TICAM2: variants seen among roughly 807,000 people sequenced by gnomAD.
TICAM2 encodes the protein TIR domain-containing adapter molecule 2.
A neutral mutation model predicts 7.3 loss-of-function variants in TICAM2; 8 were observed. The ratio of observed to expected loss-of-function variants is 1.10; its 90% confidence interval spans 0.65 to 1.99. TICAM2 has a LOEUF of 1.99. TICAM2 is among the 30% of genes most tolerant of loss of function. The probability of loss-of-function intolerance (pLI) is 0.00; values close to 1 mark genes in which losing one functional copy is unlikely to be tolerated. For missense variants in TICAM2, 304 were observed against 278.8 expected, an observed-to-expected ratio of 1.09 and a Z score of -0.65; for synonymous variants, 113 against 99.6, an observed-to-expected ratio of 1.13 and a Z score of -0.80.
intron 1 of TICAM2, among the ~76,000 whole-genome samples, chr5:115,595,237 T>C (rs565839420): frequency 6.6e-6 from 1 of 152,238 alleles, no homozygotes; most frequent in South Asian, 2.1e-4. Flanking sequence ...AATCAATCTT[T>C]CCTCCTCAAT....
chr5:115,586,418 GAAAAAAA>G (rs3072127), intron 1 of TICAM2, among the ~76,000 whole-genome samples: 1 of 133,394 alleles, frequency 7.5e-6, no homozygotes, highest in Non-Finnish European at 1.6e-5. Context: ...TAGAGTGTTG[GAAAAAAA>G]AAAAAAAAAA....
chr5:115,586,565 C>A (rs1446244738), intron 1 of TICAM2, among the ~76,000 whole-genome samples: 1 of 152,136 alleles, frequency 6.6e-6, no homozygotes, highest in Non-Finnish European at 1.5e-5. Flanking sequence ...AAAGACAGTG[C>A]TTAACCGACT....
intron 1 of TICAM2, 60 bp from the exon 2 acceptor site, chr5:115,581,375 A>G: frequency 6.7e-7 from 1 of 1,497,070 alleles, no homozygotes; most frequent in South Asian, 1.3e-5. Context: ...TAAAAATGGA[A>G]ACTTTCATTC....
rs1265868948 is a variant in TICAM2, at chr5:115,579,730, A to C, written c.*819T>G. The C allele has an allele frequency of 6.6e-6, 1 of 152,230 alleles. No homozygotes were observed. The highest frequency in any genetic ancestry group is 1.5e-5 in the Non-Finnish European group (1 of 68,030). The allele number at this position is 152,230 out of a possible 1,614,324, so 9.4% of individuals were successfully genotyped here. A position where few individuals can be genotyped will look rare whatever the true frequency, so the allele number is the denominator to read the frequency against. ...GAGAAGAGAATTGTGTGTGACGGAA[A>C]CTTTTAAAGCTTCCATAAGAGAGGT... is the stretch of plus-strand genomic sequence containing the variant. On this transcript the variant is annotated 3_prime_UTR_variant, in exon 2 of 2. Transcript: ENST00000427199.
Position 115,588,187 on chromosome 5 carries a change from G to A in TICAM2, c.-59-6872C>T, listed in dbSNP as rs76671193. Among the ~76,000 whole-genome samples the A allele has an allele frequency of 4.0e-3, 603 of 152,336 alleles. 7 individuals are homozygous for A. The highest frequency in any genetic ancestry group is 0.014 in the African/African-American group (570 of 41,566). ...AAGAGAAGATACTTGGAATGCTTAC[G>A]AACTGAAGGGAATTTGCTAGTAAAG... On this transcript the variant is annotated intron_variant, in intron 1 of 1. Coordinates refer to ENST00000427199, the MANE Select transcript of TICAM2 (RefSeq NM_021649.7).
At chr5:115,583,353 A>C (rs943169948) in intron 1 of TICAM2, among the ~76,000 whole-genome samples, 3 of 152,228 alleles carry the variant, frequency 2.0e-5, no homozygotes, top group Non-Finnish European at 4.4e-5. Context: ...AGAATATGAA[A>C]AACTTCTAGG....
chr5:115,599,642 T>G (rs75861474), intron 1 of TICAM2, among the ~76,000 whole-genome samples: 1 of 152,108 alleles, frequency 6.6e-6, no homozygotes, highest in Non-Finnish European at 1.5e-5. Flanking sequence ...AATAGCACAG[T>G]AACCCCTGAG....
At chr5:115,586,061 C>A (rs956631730) in intron 1 of TICAM2, among the ~76,000 whole-genome samples, 1 of 152,072 alleles carries the variant, frequency 6.6e-6, no homozygotes, top group African/African-American at 2.4e-5. Context: ...AAGGTTCCAG[C>A]AGGGAGATGC....
At chr5:115,590,921 C>T (rs959638118) in intron 1 of TICAM2, among the ~76,000 whole-genome samples, 3 of 152,200 alleles carry the variant, frequency 2.0e-5, no homozygotes, top group Non-Finnish European at 2.9e-5. Context: ...TCTCCTCCTT[C>T]TCAGTCTCCT....
At chr5:115,597,165 C>T (rs1755541521) in intron 1 of TICAM2, among the ~76,000 whole-genome samples, 1 of 152,174 alleles carries the variant, frequency 6.6e-6, no homozygotes. Flanking sequence ...TTTACTATGG[C>T]ACACATATTC....
At chr5:115,599,542 T>G (rs171774) in intron 1 of TICAM2, among the ~76,000 whole-genome samples, 94,777 of 152,068 alleles carry the variant, frequency 0.62, 30,656 homozygotes, top group African/African-American at 0.81. Flanking sequence ...TTTTAAAGGT[T>G]CCATAAGCTT....
intron 1 of TICAM2, among the ~76,000 whole-genome samples, chr5:115,585,992 G>A (rs1236548701): frequency 6.6e-6 from 1 of 152,208 alleles, no homozygotes; most frequent in African/African-American, 2.4e-5. Flanking sequence ...AAGTAGAACT[G>A]AGAAGATTTG....
intron 1 of TICAM2, among the ~76,000 whole-genome samples, chr5:115,598,689 TATTTA>T (rs1244463067): frequency 4.6e-5 from 7 of 152,322 alleles, no homozygotes; most frequent in Non-Finnish European, 2.9e-5. Context: ...ATCTACTTAT[TATTTA>T]ATTTAATTTA....
intron 1 of TICAM2, among the ~76,000 whole-genome samples, chr5:115,595,287 C>T (rs1755466412): frequency 6.6e-6 from 1 of 152,142 alleles, no homozygotes; most frequent in Non-Finnish European, 1.5e-5. Flanking sequence ...TCCTCTCTAC[C>T]GATTACGACG....
At chr5:115,599,338 G>A (rs1042105275) in intron 1 of TICAM2, among the ~76,000 whole-genome samples, 1 of 152,056 alleles carries the variant, frequency 6.6e-6, no homozygotes, top group African/African-American at 2.4e-5. Flanking sequence ...ATTCTTTTTA[G>A]TGAACTGGAT....
chr5:115,594,448 G>A (rs922111671), intron 1 of TICAM2, among the ~76,000 whole-genome samples: 12 of 152,060 alleles, frequency 7.9e-5, no homozygotes, highest in African/African-American at 1.2e-4. Flanking sequence ...GTGTTTAAAC[G>A]CCAAATAGCA....
intron 1 of TICAM2, among the ~76,000 whole-genome samples, chr5:115,582,589 C>T (rs1754968962): frequency 6.6e-6 from 1 of 152,054 alleles, no homozygotes. Flanking sequence ...AAAACATTGG[C>T]AATATTCCTA....
At chr5:115,591,280 A>G (rs974542200) in intron 1 of TICAM2, among the ~76,000 whole-genome samples, 5 of 152,210 alleles carry the variant, frequency 3.3e-5, no homozygotes, top group African/African-American at 1.2e-4. Flanking sequence ...GGGACCCTGA[A>G]GGCTACACCT....
Position 115,581,221 on chromosome 5 carries a change from A to T in TICAM2, c.36T>A (p.Pro12=). 6.2e-7 allele frequency: 1 copy of T among 1,611,226 alleles called. No individual in the cohort carries two copies. Among genetic ancestry groups the T allele is most frequent in the Non-Finnish European group, 8.5e-7 (1 of 1,179,976 alleles). The change falls in exon 2 of 2, where the codon CCT becomes CCA. Residue 12 remains proline, a synonymous_variant. Coordinates refer to ENST00000427199, the MANE Select transcript of TICAM2 (RefSeq NM_021649.7). ...GCCTTTTACCCCAAGAGAGAGAAAG[A>T]GGGCAGGAATTTATTTTAGACTTCC... The part of the protein sequence containing the change: ...GIGKSKINSC[P]LSLSWGKRHS...
Sources: allele counts gnomAD v4.1 joint callset (sites outside exome capture counted in the v4.1 genomes callset), GRCh38; gene constraint gnomAD v4.1.1; transcripts MANE v1.5; gene names NCBI Gene and HGNC (gene_info 2026-07-23, HGNC 2026-07-21).